Variants in CYSLTR2 observed in about 807,000 individuals in gnomAD.
CYSLTR2 encodes G-protein coupled receptor GPCR21.
For synonymous variants in CYSLTR2, 179 were observed against 160.8 expected, an observed-to-expected ratio of 1.11 and a Z score of -0.86; for missense variants, 398 against 411.9, an observed-to-expected ratio of 0.97 and a Z score of 0.29.
At chr13:48,666,574 T>C (rs1390442887) in intron 1 of CYSLTR2, among the ~76,000 whole-genome samples, 2 of 152,178 alleles carry the variant, frequency 1.3e-5, no homozygotes, top group Admixed American at 1.3e-4. Flanking sequence ...ATAAATCCTG[T>C]AAGCTTTTTT....
intron 3 of CYSLTR2, among the ~76,000 whole-genome samples, chr13:48,695,353 C>A (rs1954151810): frequency 1.5e-5 from 2 of 136,352 alleles, no homozygotes; most frequent in Admixed American, 1.5e-4. Context: ...CTTTCTTTCC[C>A]TTTCTTTTTC....
intron 1 of CYSLTR2, among the ~76,000 whole-genome samples, chr13:48,670,187 A>T (rs141236866): frequency 0.011 from 1,688 of 152,272 alleles, 28 homozygotes; most frequent in African/African-American, 0.038. Flanking sequence ...GCCCTTTGTC[A>T]GATGGATAAA....
At chr13:48,671,237 C>T (rs1028128702) in intron 1 of CYSLTR2, among the ~76,000 whole-genome samples, 1 of 152,320 alleles carries the variant, frequency 6.6e-6, no homozygotes, top group East Asian at 1.9e-4. Flanking sequence ...AACAATTGGA[C>T]TTCCTCTCTT....
chr13:48,687,511 TATCA>T (rs1287636599), intron 1 of CYSLTR2, among the ~76,000 whole-genome samples: 1 of 152,202 alleles, frequency 6.6e-6, no homozygotes, highest in East Asian at 1.9e-4. Flanking sequence ...ATCTATCATC[TATCA>T]ATCATCTATT....
At chr13:48,690,464 G>A (rs908464634) in intron 1 of CYSLTR2, among the ~76,000 whole-genome samples, 1 of 152,106 alleles carries the variant, frequency 6.6e-6, no homozygotes, top group Non-Finnish European at 1.5e-5. Context: ...TTAGCATAAA[G>A]GGGTGTTGAA....
chr13:48,688,685 CTT>C (rs1422001247), intron 1 of CYSLTR2, among the ~76,000 whole-genome samples: 2 of 152,136 alleles, frequency 1.3e-5, no homozygotes, highest in African/African-American at 2.4e-5. Context: ...GGTTCCAAGT[CTT>C]TGCTATTTTG....
At chr13:48,676,554 G>A (rs772931998) in intron 1 of CYSLTR2, among the ~76,000 whole-genome samples, 2 of 152,178 alleles carry the variant, frequency 1.3e-5, no homozygotes, top group Non-Finnish European at 2.9e-5. Context: ...TAAAAACAAT[G>A]GAGATAACTC....
chr13:48,702,704 TAA>T (rs1459372135), intron 4 of CYSLTR2, among the ~76,000 whole-genome samples: 1 of 152,232 alleles, frequency 6.6e-6, no homozygotes, highest in African/African-American at 2.4e-5. Flanking sequence ...AACTATAAAA[TAA>T]GTCTTGAAAT....
chr13:48,697,422 A>G (rs1345767306), intron 4 of CYSLTR2, among the ~76,000 whole-genome samples: 1 of 152,166 alleles, frequency 6.6e-6, no homozygotes, highest in East Asian at 1.9e-4. Flanking sequence ...CCTCCAGCAA[A>G]TTCCAACAGA....
rs575155075 is a variant in CYSLTR2, at chr13:48,676,899, A to G, written c.-265-14313A>G. On this transcript the variant is annotated intron_variant, in intron 1 of 4. Coordinates refer to ENST00000682523, the MANE Select transcript of CYSLTR2 (RefSeq NM_001308476.3). ...CTGAAAAGAAAATTCTTTGCAAACTATAAGACGAAAATATGGGCTGTCAAA... is the reference window on the plus strand; with the variant it reads ...CTGAAAAGAAAATTCTTTGCAAACTGTAAGACGAAAATATGGGCTGTCAAA... Among the ~76,000 whole-genome samples the G allele has an allele frequency of 1.3e-4, 20 of 152,352 alleles. No individual in the cohort carries two copies. The East Asian group carries it at 3.3e-3, about 25-fold the overall frequency.
intron 1 of CYSLTR2, among the ~76,000 whole-genome samples, chr13:48,678,706 A>G (rs955910110): frequency 6.6e-5 from 10 of 152,130 alleles, no homozygotes; most frequent in African/African-American, 9.7e-5. Flanking sequence ...CCCAATCAGC[A>G]TCTTCTTCAT....
chr13:48,656,890 G>C (rs1156525863), intron 1 of CYSLTR2, among the ~76,000 whole-genome samples: 1 of 152,226 alleles, frequency 6.6e-6, no homozygotes, highest in Non-Finnish European at 1.5e-5. Context: ...ATTTTGCTGT[G>C]GGTGCTCAGC....
chr13:48,697,729 G>A (rs1431070071), intron 4 of CYSLTR2, among the ~76,000 whole-genome samples: 1 of 152,172 alleles, frequency 6.6e-6, no homozygotes, highest in African/African-American at 2.4e-5. Flanking sequence ...CAAGTTAAAG[G>A]AGGATGTTCT....
At chr13:48,688,196 C>T (rs1953945404) in intron 1 of CYSLTR2, among the ~76,000 whole-genome samples, 1 of 152,182 alleles carries the variant, frequency 6.6e-6, no homozygotes, top group South Asian at 2.1e-4. Context: ...AATCCTCCTG[C>T]CTCAGCTTCC....
chr13:48,665,341 T>C (rs954844047), intron 1 of CYSLTR2, among the ~76,000 whole-genome samples: 1 of 152,090 alleles, frequency 6.6e-6, no homozygotes, highest in Non-Finnish European at 1.5e-5. Flanking sequence ...ATCTGGTGTA[T>C]GGGGCCATTT....
intron 1 of CYSLTR2, among the ~76,000 whole-genome samples, chr13:48,659,056 C>T (rs1353682268): frequency 6.6e-6 from 1 of 152,032 alleles, no homozygotes; most frequent in Non-Finnish European, 1.5e-5. Context: ...GAGCTGACCA[C>T]TGAGATGAAA....
In CYSLTR2 at chr13:48,658,230, C is replaced by T. The variant is rs79827296; in HGVS notation, c.-266+4213C>T. On this transcript the variant is annotated intron_variant, in intron 1 of 4. Transcript: ENST00000682523. ...AGCACCATCTGGGTACCCTCTGTGG[C>T]TGCCTTCTGCTCCCATGCCATGCCA... Among the ~76,000 whole-genome samples, 1,305 of 152,306 alleles carry T rather than the reference C, an allele frequency of 8.6e-3. 27 individuals carry two copies. Among genetic ancestry groups the T allele is most frequent in the African/African-American group, 0.03 (1,246 of 41,548 alleles).
At chr13:48,676,095 C>T (rs76270662) in intron 1 of CYSLTR2, among the ~76,000 whole-genome samples, 9,109 of 152,270 alleles carry the variant, frequency 0.06, 319 homozygotes, top group African/African-American at 0.079. Context: ...TCCTGTTCAG[C>T]CATCTTGCCA....
At chr13:48,678,197 T>A (rs112228119) in intron 1 of CYSLTR2, among the ~76,000 whole-genome samples, 5 of 152,102 alleles carry the variant, frequency 3.3e-5, no homozygotes, top group African/African-American at 9.6e-5. Context: ...TTAGTAGAGA[T>A]GAGGTTTCAC....
Sources: gnomAD v4.1 joint callset for allele counts (sites outside exome capture counted in the v4.1 genomes callset) on GRCh38, gnomAD v4.1.1 for gene constraint, MANE v1.5 for transcripts, NCBI Gene and HGNC (gene_info 2026-07-23, HGNC 2026-07-21) for gene names.